The following SLC28A1 variants were observed in gnomAD, a reference collection of about 807,000 sequenced individuals.
The protein encoded by SLC28A1 is solute carrier family 28 member 1.
A neutral mutation model predicts 74.8 loss-of-function variants in SLC28A1; 64 were observed. The ratio of observed to expected loss-of-function variants is 0.86; its 90% CI spans 0.70 to 1.05. The LOEUF is 1.05. Ranked by LOEUF, SLC28A1 falls within the 50% of genes least tolerant of loss-of-function variation. The probability of loss-of-function intolerance (pLI) is 0.00; values close to 1 mark genes in which losing one functional copy is unlikely to be tolerated. For missense variants in SLC28A1, 828 were observed against 822.8 expected (o/e 1.01, Z -0.08); for synonymous variants, 359 against 335.0 (o/e 1.07, Z -0.78).
In SLC28A1 at chr15:84,889,091, C is replaced by G. The variant is rs200032733; in HGVS notation, c.185+231C>G. Reference sequence around the variant, plus strand: ...GCTGAAACGAAATCCCATCAGGAACCCCAGTATGTACCGTGGGGCCTGCCC... The same window carrying G: ...GCTGAAACGAAATCCCATCAGGAACGCCAGTATGTACCGTGGGGCCTGCCC... On this transcript the variant is annotated intron_variant, in intron 4 of 18. Coordinates refer to ENST00000394573, the MANE Select transcript of SLC28A1 (RefSeq NM_004213.5). 4.6e-5 allele frequency among the ~76,000 whole-genome samples: 7 copies of G among 152,286 alleles called. No homozygotes were observed. The East Asian group carries it at 1.4e-3, about 29-fold the overall frequency.
At chr15:84,949,325 ATT>A (rs1315400933), downstream of SLC28A1, among the ~76,000 whole-genome samples, 3 of 152,210 alleles carry the variant, frequency 2.0e-5, no homozygotes, top group Non-Finnish European at 4.4e-5. Context: ...GAGACTAAAG[ATT>A]GGATATGGTC....
downstream of SLC28A1, among the ~76,000 whole-genome samples, chr15:84,946,084 T>TTATATATATATATATATATATA (rs1567196223): frequency 4.4e-4 from 12 of 27,550 alleles, no homozygotes; most frequent in African/African-American, 1.9e-3. Context: ...GTGTGTATGT[T>TTATATATATATATATATATATA]CATATATATA....
At chr15:84,972,430 A>G in the SLC28A1 span, among the ~76,000 whole-genome samples, 8 of 152,348 alleles carry the variant, frequency 5.3e-5, no homozygotes, top group Middle Eastern at 3.4e-3. Context: ...ATGATGATAT[A>G]CCCATTTCAG....
intron 8 of SLC28A1, among the ~76,000 whole-genome samples, chr15:84,907,940 G>T (rs1242445341): frequency 1.3e-5 from 2 of 152,142 alleles, no homozygotes; most frequent in Non-Finnish European, 2.9e-5. Context: ...CAAGAGAAAT[G>T]ACTTGCTGCC....
the SLC28A1 span, among the ~76,000 whole-genome samples, chr15:84,954,919 T>C: frequency 2.0e-5 from 3 of 152,168 alleles, no homozygotes; most frequent in Admixed American, 2.0e-4. Flanking sequence ...ATGGTAGGAA[T>C]GATGCCATGT....
At chr15:84,884,990 G>A (rs1356907804) in intron 1 of SLC28A1, among the ~76,000 whole-genome samples, 5 of 152,064 alleles carry the variant, frequency 3.3e-5, no homozygotes, top group African/African-American at 7.2e-5. Context: ...GTAGAGTCTC[G>A]CTCTGTTGCC....
In SLC28A1 at chr15:84,904,114, C is replaced by G. The variant is rs1324826543; in HGVS notation, c.479C>G (p.Ala160Gly). ...LWFKRGLALA[A>G]FLGLVLWLSL... is the part of the protein sequence containing the mutation. ...GCCTGCAGGGGTCTAGCTCTTGCTG[C>G]TTTCCTGGGCCTGGTCCTGTGGCTG... Residue 160 changes from alanine (A) to glycine (G), a missense_variant, in exon 7 of 19, where the codon GCT (alanine) becomes GGT (glycine). By Grantham distance (60) the Ala-to-Gly change is moderately conservative. This residue lies in a region of SLC28A1 where 767 missense variants were observed against 753.5 expected (regional missense o/e 1.02). Transcript: ENST00000394573. 6.2e-7 allele frequency: 1 copy of G among 1,614,104 alleles called. No individual in the cohort carries two copies. Among genetic ancestry groups the G allele is most frequent in the Non-Finnish European group, 8.5e-7 (1 of 1,180,056 alleles).
At chr15:84,956,480 T>TTTCC in the SLC28A1 span, among the ~76,000 whole-genome samples, 38 of 136,428 alleles carry the variant, frequency 2.8e-4, no homozygotes, top group African/African-American at 1.1e-3. Context: ...TCTTTCTTTC[T>TTTCC]TTCTTTCTTT....
At position 84,884,765 on chromosome 15, in the gene SLC28A1, A is replaced by G; in HGVS notation, c.-133+14A>G. 1.0e-6 allele frequency: 1 copy of G among 984,488 alleles called. No homozygotes were observed. Among genetic ancestry groups the G allele is most frequent in the Non-Finnish European group, 1.2e-6 (1 of 829,060 alleles). 61.0% of individuals were successfully genotyped at this position (984,488 alleles called of 1,614,324 possible). A position where few individuals can be genotyped will look rare whatever the true frequency, so the allele number is the denominator to read the frequency against. ...ACAGAAACAAGGGTGAGAGAAAAGG[A>G]CAGTAGGAGAGGAGGGAAGGCGGGA... On this transcript the variant is annotated intron_variant, in intron 1 of 18. Coordinates refer to ENST00000394573, the MANE Select transcript of SLC28A1 (RefSeq NM_004213.5).
the SLC28A1 span, among the ~76,000 whole-genome samples, chr15:84,965,898 CG>C: frequency 1.1e-4 from 12 of 107,758 alleles, no homozygotes; most frequent in African/African-American, 3.8e-4. Context: ...TGGAGGGAGG[CG>C]GGGAGGGGGG....
chr15:84,963,017 G>GACC, the SLC28A1 span, among the ~76,000 whole-genome samples: 1 of 152,176 alleles, frequency 6.6e-6, no homozygotes. Flanking sequence ...TTGCTAGTGT[G>GACC]ACCAGTGGAG....
At chr15:84,951,413 G>A in the SLC28A1 span, among the ~76,000 whole-genome samples, 222 of 146,224 alleles carry the variant, frequency 1.5e-3, 1 homozygote, top group African/African-American at 5.2e-3. Flanking sequence ...GTGACAGAGC[G>A]AGACCCTGTC....
chr15:84,914,858 C>A (rs1030771764), intron 9 of SLC28A1, among the ~76,000 whole-genome samples: 3 of 152,148 alleles, frequency 2.0e-5, no homozygotes, highest in Non-Finnish European at 4.4e-5. Flanking sequence ...CACCTCTTTT[C>A]TCTTTCATTC....
chr15:84,973,281 G>A, the SLC28A1 span, among the ~76,000 whole-genome samples: 13 of 152,136 alleles, frequency 8.5e-5, no homozygotes, highest in African/African-American at 3.1e-4. Flanking sequence ...TAGTCCAGGC[G>A]GGATATTTTT....
chr15:84,910,599 A>C (rs975055752), intron 9 of SLC28A1, among the ~76,000 whole-genome samples: 1 of 152,128 alleles, frequency 6.6e-6, no homozygotes, highest in Non-Finnish European at 1.5e-5. Context: ...GTGGTGGTGC[A>C]TGCCTGTAAT....
the SLC28A1 span, among the ~76,000 whole-genome samples, chr15:84,970,343 C>T: frequency 6.6e-6 from 1 of 152,162 alleles, no homozygotes; most frequent in Non-Finnish European, 1.5e-5. Context: ...GCCATGGTTG[C>T]GTCACATGCC....
At chr15:84,915,356 G>A (rs1968935788) in intron 9 of SLC28A1, among the ~76,000 whole-genome samples, 6 of 152,286 alleles carry the variant, frequency 3.9e-5, no homozygotes, top group African/African-American at 1.4e-4. Flanking sequence ...AGCTGCCCGG[G>A]CAGAATCTCC....
intron 9 of SLC28A1, among the ~76,000 whole-genome samples, chr15:84,917,044 AT>A (rs60556774): frequency 0.44 from 35,020 of 80,426 alleles, 8,080 homozygotes; most frequent in South Asian, 0.72. Context: ...AAAAAAATAA[AT>A]AAAAAAGGTA....
At chr15:84,892,503 G>A (rs1036009775) in intron 5 of SLC28A1, among the ~76,000 whole-genome samples, 1 of 152,178 alleles carries the variant, frequency 6.6e-6, no homozygotes, top group African/African-American at 2.4e-5. Context: ...CTCTCCAGTA[G>A]AGAATGAAAA....
Sources: allele counts gnomAD v4.1 joint callset (sites outside exome capture counted in the v4.1 genomes callset), GRCh38; gene constraint gnomAD v4.1.1; regional missense constraint gnomAD v4.1.1; transcripts MANE v1.5; gene names NCBI Gene and HGNC (gene_info 2026-07-23, HGNC 2026-07-21).